GRIK4: variants seen among roughly 807,000 people sequenced by gnomAD.
GRIK4 encodes glutamate ionotropic receptor kainate type subunit 4.
A neutral mutation model predicts 104.9 loss-of-function variants in GRIK4; 40 were observed. The ratio of observed to expected loss-of-function variants is 0.38; its 90% CI spans 0.30 to 0.50. The LOEUF (loss-of-function observed/expected upper bound fraction) is 0.50. GRIK4 is among the 20% of genes least tolerant of loss of function. The pLI, the probability that GRIK4 is intolerant of heterozygous loss-of-function variation, is 0.93. For synonymous variants in GRIK4, 485 were observed against 524.9 expected, an observed-to-expected ratio of 0.92 and a Z score of 1.04; for missense variants, 1,047 against 1,308.1, an observed-to-expected ratio of 0.80 and a Z score of 3.08.
chr11:120,522,575 C>T (rs61900867), intron 1 of GRIK4, among the ~76,000 whole-genome samples: 13,262 of 152,228 alleles, frequency 0.087, 652 homozygotes, highest in African/African-American at 0.13. Flanking sequence ...CCCGCCTTGG[C>T]CTCCCAAAGT....
chr11:120,667,596 T>G (rs1021201520), intron 3 of GRIK4, among the ~76,000 whole-genome samples: 3 of 152,120 alleles, frequency 2.0e-5, no homozygotes, highest in African/African-American at 7.2e-5. Context: ...TTACGGGGGC[T>G]GGGGCTCGGC....
chr11:120,637,956 T>C (rs1363697113), intron 1 of GRIK4, among the ~76,000 whole-genome samples: 1 of 152,082 alleles, frequency 6.6e-6, no homozygotes, highest in Non-Finnish European at 1.5e-5. Context: ...CTCGGCTCAC[T>C]AAAACCTCCG....
intron 3 of GRIK4, among the ~76,000 whole-genome samples, chr11:120,663,427 C>T (rs1273817253): frequency 2.0e-5 from 3 of 152,210 alleles, no homozygotes; most frequent in Non-Finnish European, 4.4e-5. Flanking sequence ...GCTCTCTTCT[C>T]CATGCACCCA....
chr11:120,622,004 G>A (rs762950791), intron 1 of GRIK4, among the ~76,000 whole-genome samples: 4 of 151,962 alleles, frequency 2.6e-5, no homozygotes, highest in Non-Finnish European at 4.4e-5. Context: ...GGGTTCAAGC[G>A]ATTCTCCTGC....
At chr11:120,708,093 G>A (rs1328797073) in intron 3 of GRIK4, among the ~76,000 whole-genome samples, 2 of 152,300 alleles carry the variant, frequency 1.3e-5, no homozygotes, top group Middle Eastern at 3.4e-3. Context: ...AGATAGTGTG[G>A]TGGGTGGTCA....
intron 1 of GRIK4, chr11:120,515,140 C>A: frequency 2.3e-6 from 1 of 430,200 alleles, no homozygotes; most frequent in Non-Finnish European, 4.7e-6. Flanking sequence ...CCTGGCCACC[C>A]AGCCCTGGCA....
chr11:120,872,260 C>A, intron 9 of GRIK4: 1 of 283,452 alleles, frequency 3.5e-6, no homozygotes, highest in South Asian at 3.9e-5. Flanking sequence ...TGCCTGGGAT[C>A]ACTCAGCACA....
At chr11:120,832,055 C>G (rs1185030695) in intron 7 of GRIK4, 25 bp downstream of exon 7, 1 of 1,548,072 alleles carries the variant, frequency 6.5e-7, no homozygotes, top group African/African-American at 1.4e-5. Flanking sequence ...CTCTCCCCCA[C>G]CCCCTGCTGA....
intron 11 of GRIK4, among the ~76,000 whole-genome samples, chr11:120,879,927 A>C (rs74743296): frequency 0.14 from 21,885 of 152,210 alleles, 2,171 homozygotes; most frequent in East Asian, 0.52. Context: ...TAAGGCCCTT[A>C]ATATCCTTCG....
chr11:120,831,204 G>C (rs536395392), intron 6 of GRIK4, among the ~76,000 whole-genome samples: 1 of 152,188 alleles, frequency 6.6e-6, no homozygotes, highest in Non-Finnish European at 1.5e-5. Context: ...AGTTCAAAGC[G>C]TTTTACTAGA....
chr11:120,589,810 C>CA (rs1948713494), intron 1 of GRIK4, among the ~76,000 whole-genome samples: 1 of 152,144 alleles, frequency 6.6e-6, no homozygotes, highest in Admixed American at 6.5e-5. Flanking sequence ...TATTGATAGC[C>CA]AAAAAGGCCA....
chr11:120,550,449 C>G (rs1422482847), intron 1 of GRIK4, among the ~76,000 whole-genome samples: 1 of 151,854 alleles, frequency 6.6e-6, no homozygotes, highest in South Asian at 2.1e-4. Flanking sequence ...ATCAGTCTCT[C>G]GGCAGGGTGA....
intron 8 of GRIK4, among the ~76,000 whole-genome samples, chr11:120,843,215 G>T (rs1218188294): frequency 6.6e-6 from 1 of 152,250 alleles, no homozygotes; most frequent in South Asian, 2.1e-4. Flanking sequence ...GGACTCCAGC[G>T]CCACCATTTC....
In GRIK4 at chr11:120,956,697, G is replaced by A. The variant is rs1411976198; in HGVS notation, c.1701-83G>A. The stretch of plus-strand genomic sequence containing the variant: ...CCCAAGGCCACAGGCCGGTCTCAGA[G>A]GTGAGACCAGCCAGGAGAGCCTGCC... On this transcript the variant is annotated intron_variant, in intron 15 of 20. Transcript: ENST00000527524. The surrounding 1 kb of genome is among the most constrained non-coding windows in gnomAD (Gnocchi z 4.6). The A allele has an allele frequency of 9.5e-7, 1 of 1,057,260 alleles. No individual in the cohort carries two copies. Among genetic ancestry groups the A allele is most frequent in the South Asian group, 2.8e-5 (1 of 35,696 alleles). 65.5% of individuals were successfully genotyped at this position (1,057,260 alleles called of 1,614,324 possible). A position where few individuals can be genotyped will look rare whatever the true frequency, so the allele number is the denominator to read the frequency against.
At chr11:120,512,145 T>C (rs890732166) in intron 1 of GRIK4, among the ~76,000 whole-genome samples, 32 of 148,798 alleles carry the variant, frequency 2.2e-4, no homozygotes, top group Non-Finnish European at 4.5e-5. Context: ...CCCCCACCGC[T>C]CTGCTCCCGT....
At chr11:120,680,490 A>G (rs1474733059) in intron 3 of GRIK4, among the ~76,000 whole-genome samples, 1 of 152,204 alleles carries the variant, frequency 6.6e-6, no homozygotes, top group Non-Finnish European at 1.5e-5. Flanking sequence ...GCGTGGTGAC[A>G]TGAGTTTCAG....
At chr11:120,516,948 C>CACGGAGCTCCCAGTTGAGTGTGA in intron 1 of GRIK4, among the ~76,000 whole-genome samples, 2 of 149,802 alleles carry the variant, frequency 1.3e-5, no homozygotes, top group African/African-American at 2.5e-5. Flanking sequence ...CAGCCACTGT[C>CACGGAGCTCCCAGTTGAGTGTGA]TAGTCTTGTG....
At chr11:120,589,213 G>A (rs1006234750) in intron 1 of GRIK4, among the ~76,000 whole-genome samples, 2 of 152,148 alleles carry the variant, frequency 1.3e-5, no homozygotes, top group Non-Finnish European at 2.9e-5. Context: ...TTTCTAACAC[G>A]TTTCTAGGTG....
intron 13 of GRIK4, among the ~76,000 whole-genome samples, chr11:120,929,007 A>ATGTGTGTGTGCGCACG (rs1565445153): frequency 7.4e-6 from 1 of 135,042 alleles, no homozygotes; most frequent in African/African-American, 2.8e-5. Context: ...GCACGCGTGT[A>ATGTGTGTGTGCGCACG]TGTGTGTGTG....
Sources: allele counts gnomAD v4.1 joint callset (sites outside exome capture counted in the v4.1 genomes callset), GRCh38; gene constraint gnomAD v4.1.1; non-coding constraint Gnocchi (gnomAD v3.1); transcripts MANE v1.5; gene names NCBI Gene and HGNC (gene_info 2026-07-23, HGNC 2026-07-21).